The following AGL variants were observed in gnomAD, a reference collection of about 807,000 sequenced individuals.
The protein encoded by AGL is glycogen debranching enzyme.
A neutral mutation model predicts 199.3 loss-of-function variants in AGL; 128 were observed. That is an observed-to-expected ratio of 0.64 (90% CI 0.56 to 0.74). AGL has a LOEUF of 0.74. Among genes scored for constraint, AGL ranks in the 30% least tolerant of loss-of-function variants. The pLI is 0.00. For missense variants in AGL, 1,809 were observed against 1,820.8 expected, an observed-to-expected ratio of 0.99 and a Z score of 0.12; for synonymous variants, 584 against 594.7, an observed-to-expected ratio of 0.98 and a Z score of 0.26.
chr1:99,864,592 A>G lies in AGL; in HGVS notation c.664+3A>G, dbSNP rs370792293. ...TGATGTTGTCTACAATCATACTGGT[A>G]TGAGCTTCATTGACTGCCTTCATTA... On this transcript the variant is annotated splice_donor_region_variant and intron_variant, in intron 5 of 33. Coordinates refer to ENST00000361915, the MANE Select transcript of AGL (RefSeq NM_000642.3). The G allele has an allele frequency of 8.1e-6, 13 of 1,611,320 alleles. No homozygotes were observed. The highest frequency in any genetic ancestry group is 1.0e-5 in the Non-Finnish European group (12 of 1,177,734).
At chr1:99,918,353 G>A (rs1173111138) in intron 33 of AGL, among the ~76,000 whole-genome samples, 1 of 152,080 alleles carries the variant, frequency 6.6e-6, no homozygotes, top group Non-Finnish European at 1.5e-5. Flanking sequence ...TCTGCTTAAT[G>A]TTTTGAACAT....
At chr1:99,864,701 T>G in intron 5 of AGL, 112 bp downstream of exon 5, 1 of 951,616 alleles carries the variant, frequency 1.1e-6, no homozygotes, top group Non-Finnish European at 1.6e-6. Flanking sequence ...GGGGCTAACA[T>G]AAATTTTAAA....
chr1:99,874,992 A>G lies in AGL; in HGVS notation c.1083-162A>G, dbSNP rs77858980. On this transcript the variant is annotated intron_variant, in intron 8 of 33. Transcript: ENST00000361915. ...TTTTCTGTGTGTGGGCCATGTTTCT[A>G]TATGTGTATATAAACATTTTTACAA... 0.018 allele frequency among the ~76,000 whole-genome samples: 2,715 copies of G among 152,270 alleles called. 91 individuals carry two copies. Among genetic ancestry groups the G allele is most frequent in the African/African-American group, 0.062 (2,574 of 41,540 alleles).
chr1:99,872,302 T>C (rs1372845392), intron 7 of AGL, among the ~76,000 whole-genome samples: 1 of 152,204 alleles, frequency 6.6e-6, no homozygotes, highest in Non-Finnish European at 1.5e-5. Flanking sequence ...TAAGCTGTAC[T>C]GCAGAAAATA....
intron 5 of AGL, among the ~76,000 whole-genome samples, chr1:99,866,204 A>C (rs936092918): frequency 6.6e-6 from 1 of 152,218 alleles, no homozygotes; most frequent in Non-Finnish European, 1.5e-5. Flanking sequence ...AAACCACATA[A>C]GGGCATTTTA....
intron 20 of AGL, 53 bp downstream of exon 20, chr1:99,884,756 C>G (rs1652323724): frequency 6.2e-7 from 1 of 1,604,226 alleles, no homozygotes; most frequent in African/African-American, 1.3e-5. Context: ...TAAGTTACCA[C>G]TAGACTGAAT....
intron 4 of AGL, among the ~76,000 whole-genome samples, chr1:99,863,054 C>G (rs1211551270): frequency 6.6e-6 from 1 of 152,062 alleles, no homozygotes; most frequent in African/African-American, 2.4e-5. Context: ...ATTTTCCTGC[C>G]TCAGCCTCCT....
intron 2 of AGL, chr1:99,852,852 C>A: frequency 2.9e-6 from 2 of 696,480 alleles, no homozygotes; most frequent in Admixed American, 2.0e-5. Context: ...TGGACCTTGG[C>A]TTCAACCTGA....
chr1:99,882,887 A>G (rs919873262), intron 17 of AGL, among the ~76,000 whole-genome samples: 1 of 152,136 alleles, frequency 6.6e-6, no homozygotes, highest in Non-Finnish European at 1.5e-5. Context: ...AAAATTATCA[A>G]CCTGAATACC....
At chr1:99,849,327 G>T (rs563253270), upstream of AGL, among the ~76,000 whole-genome samples, 2 of 151,756 alleles carry the variant, frequency 1.3e-5, no homozygotes, top group South Asian at 2.1e-4. Flanking sequence ...TTCTCCACAC[G>T]CCACAAGTCT....
chr1:99,880,534 T>A, intron 13 of AGL, 98 bp from the exon 14 acceptor site: 1 of 1,318,150 alleles, frequency 7.6e-7, no homozygotes, highest in Non-Finnish European at 1.1e-6. Context: ...ATAATATTGA[T>A]GTGGTCTTTA....
Position 99,912,525 on chromosome 1 carries a change from G to T in AGL, c.3949+8G>T. 1 of 1,584,920 alleles carries T rather than the reference G, an allele frequency of 6.3e-7. No homozygotes were observed. Among genetic ancestry groups the T allele is most frequent in the Non-Finnish European group, 8.7e-7 (1 of 1,154,040 alleles). On this transcript the variant is annotated splice_region_variant and intron_variant, in intron 29 of 33. Transcript: ENST00000361915. ...TCACAGTAAAAAGACATGGTAAGCT[G>T]GTTATTTTATTTACAAAGAACCTTC...
intron 2 of AGL, 74 bp from the exon 3 acceptor site, chr1:99,861,429 A>G: frequency 6.2e-7 from 1 of 1,600,188 alleles, no homozygotes; most frequent in South Asian, 1.1e-5. Context: ...TTAATACTTT[A>G]AATAAAACAT....
chr1:99,874,428 T>C (rs890744633), intron 7 of AGL: 3 of 328,594 alleles, frequency 9.1e-6, no homozygotes, highest in African/African-American at 2.1e-5. Context: ...TTGATAGGAA[T>C]CCTTGTGTCT....
chr1:99,860,762 C>T (rs1649965180), intron 2 of AGL, among the ~76,000 whole-genome samples: 1 of 152,192 alleles, frequency 6.6e-6, no homozygotes, highest in Non-Finnish European at 1.5e-5. Flanking sequence ...GCTGATTGTG[C>T]ACATCCCTTC....
intron 29 of AGL, 38 bp downstream of exon 29, chr1:99,912,555 G>A (rs766075106): frequency 7.2e-7 from 1 of 1,391,028 alleles, no homozygotes; most frequent in Non-Finnish European, 1.0e-6. Context: ...ACCTTCAAAT[G>A]TACTATGTAT....
chr1:99,864,115 A>G lies in AGL; in HGVS notation c.461-271A>G, dbSNP rs11166361. Among the ~76,000 whole-genome samples the G allele has an allele frequency of 0.043, 6,521 of 152,268 alleles. 261 individuals carry two copies. The highest frequency in any genetic ancestry group is 0.096 in the African/African-American group (3,993 of 41,540). ...TACATGTTAAGTATATAAATTTTCT[A>G]ATAGGCAGTGTGTGTGAATTTTTTC... On this transcript the variant is annotated intron_variant, in intron 4 of 33. Transcript: ENST00000361915.
intron 24 of AGL, 27 bp from the exon 25 acceptor site, chr1:99,896,259 A>G (rs753320725): frequency 6.5e-6 from 10 of 1,537,584 alleles, no homozygotes; most frequent in Non-Finnish European, 9.0e-6. Context: ...TGATTAACAT[A>G]TTACTTTGTT....
At position 99,884,791 on chromosome 1, in the gene AGL, A is replaced by G; in HGVS notation, c.2681+88A>G. The G allele has an allele frequency of 2.0e-6, 3 of 1,497,388 alleles. No individual in the cohort carries two copies. In the South Asian group the frequency reaches 3.4e-5, roughly 17 times the overall value. 92.8% of individuals were successfully genotyped at this position (1,497,388 alleles called of 1,614,324 possible). A position where few individuals can be genotyped will look rare whatever the true frequency, so the allele number is the denominator to read the frequency against. ...TTAAGCAGTTTTAAGGGTCCTCTAT[A>G]TCCTTGCTACTCAAAGTACGGTCCA... is the stretch of plus-strand genomic sequence containing the variant. On this transcript the variant is annotated intron_variant, in intron 20 of 33. Coordinates refer to ENST00000361915, the MANE Select transcript of AGL (RefSeq NM_000642.3).
Sources: allele counts gnomAD v4.1 joint callset (sites outside exome capture counted in the v4.1 genomes callset), GRCh38; gene constraint gnomAD v4.1.1; transcripts MANE v1.5; gene names NCBI Gene and HGNC (gene_info 2026-07-23, HGNC 2026-07-21).